CHODL: variants seen among roughly 807,000 people sequenced by gnomAD.
CHODL encodes chondrolectin, also known as transmembrane protein MT75.
Under a neutral mutation model 34.5 loss-of-function variants are expected in CHODL, and 29 were observed. The ratio of observed to expected loss-of-function variants is 0.84; its 90% confidence interval spans 0.63 to 1.15. The LOEUF (loss-of-function observed/expected upper bound fraction) is 1.15, where lower values mean the gene tolerates loss of function less well. Ranked by LOEUF, CHODL falls within the 50% of genes most tolerant of loss-of-function variation. The pLI is 0.00. For synonymous variants in CHODL, 125 were observed against 116.1 expected, an observed-to-expected ratio of 1.08 and a Z score of -0.49; for missense variants, 332 against 332.5, an observed-to-expected ratio of 1.00 and a Z score of 0.01.
chr21:18,102,904 T>C (rs2065232157), intron 2 of CHODL, among the ~76,000 whole-genome samples: 1 of 152,198 alleles, frequency 6.6e-6, no homozygotes, highest in African/African-American at 2.4e-5. Context: ...TTCCTTGGCA[T>C]AAATTTCTGC....
At chr21:18,204,879 C>T (rs8128829) in intron 2 of CHODL, among the ~76,000 whole-genome samples, 85,373 of 151,950 alleles carry the variant, frequency 0.56, 26,037 homozygotes, top group East Asian at 0.87. Flanking sequence ...AACAAAGGAA[C>T]CCCTGAAAAC....
At chr21:18,205,857 G>A (rs547441882) in intron 2 of CHODL, among the ~76,000 whole-genome samples, 9 of 151,208 alleles carry the variant, frequency 6.0e-5, no homozygotes, top group East Asian at 1.9e-4. Flanking sequence ...CTGCCTCAAC[G>A]TCCCATGTAG....
chr21:17,927,011 T>C (rs1438200181), intron 1 of CHODL, among the ~76,000 whole-genome samples: 1 of 151,198 alleles, frequency 6.6e-6, no homozygotes, highest in Non-Finnish European at 1.5e-5. Context: ...CACACAGACA[T>C]ACACACATAT....
intron 1 of CHODL, among the ~76,000 whole-genome samples, chr21:17,922,753 T>A (rs969300359): frequency 3.3e-5 from 5 of 152,150 alleles, no homozygotes; most frequent in African/African-American, 1.2e-4. Context: ...ATGTAGCTCC[T>A]AAAGGTTGCG....
chr21:17,921,935 A>G (rs1341615737), intron 1 of CHODL, among the ~76,000 whole-genome samples: 2 of 152,124 alleles, frequency 1.3e-5, no homozygotes, highest in African/African-American at 2.4e-5. Context: ...CCAAATTTCT[A>G]TTTTTTCCAA....
At chr21:18,207,470 C>A (rs1286738627) in intron 2 of CHODL, among the ~76,000 whole-genome samples, 4 of 152,056 alleles carry the variant, frequency 2.6e-5, no homozygotes, top group Non-Finnish European at 5.9e-5. Flanking sequence ...AGTGTTTCTA[C>A]TTAAGATATG....
At chr21:17,939,634 C>T (rs2063347335) in intron 1 of CHODL, among the ~76,000 whole-genome samples, 1 of 152,172 alleles carries the variant, frequency 6.6e-6, no homozygotes, top group African/African-American at 2.4e-5. Context: ...CTACCATCCT[C>T]TCAATTCCTT....
chr21:18,224,478 G>C (rs1218552032), intron 2 of CHODL, among the ~76,000 whole-genome samples: 1 of 152,144 alleles, frequency 6.6e-6, no homozygotes, highest in South Asian at 2.1e-4. Context: ...TATTCAGTGT[G>C]GTTAAGTTCC....
chr21:18,001,830 C>T (rs910198919), intron 1 of CHODL, among the ~76,000 whole-genome samples: 10 of 140,616 alleles, frequency 7.1e-5, no homozygotes, highest in South Asian at 6.7e-4. Context: ...TAGTCCATGT[C>T]GTCACAAAAG....
intron 1 of CHODL, among the ~76,000 whole-genome samples, chr21:17,953,615 C>G (rs1038305890): frequency 4.7e-4 from 71 of 152,022 alleles, no homozygotes; most frequent in African/African-American, 1.7e-3. Context: ...TAGGCTAAAA[C>G]CTGACTACAT....
intron 1 of CHODL, among the ~76,000 whole-genome samples, chr21:17,973,417 C>CTTTTTT (rs3077803): frequency 8.9e-5 from 11 of 123,484 alleles, no homozygotes; most frequent in Non-Finnish European, 1.1e-4. Context: ...TTCTTTCTTT[C>CTTTTTT]TTTTTTTTTT....
intron 2 of CHODL, among the ~76,000 whole-genome samples, chr21:18,069,758 GC>G (rs1381321259): frequency 1.3e-5 from 2 of 151,896 alleles, no homozygotes; most frequent in Non-Finnish European, 2.9e-5. Flanking sequence ...ATGTTCTACG[GC>G]TTAGAACATA....
chr21:18,183,865 T>C (rs978782817), intron 2 of CHODL, among the ~76,000 whole-genome samples: 4 of 152,214 alleles, frequency 2.6e-5, no homozygotes, highest in Non-Finnish European at 5.9e-5. Flanking sequence ...TCTGTATCAT[T>C]TGAATGTGAA....
At chr21:18,107,466 C>T (rs1423577758) in intron 2 of CHODL, among the ~76,000 whole-genome samples, 1 of 152,208 alleles carries the variant, frequency 6.6e-6, no homozygotes, top group Non-Finnish European at 1.5e-5. Context: ...GGCAACTATA[C>T]CAGGCCATAG....
At chr21:18,100,738 A>G (rs1283398142) in intron 2 of CHODL, among the ~76,000 whole-genome samples, 1 of 152,146 alleles carries the variant, frequency 6.6e-6, no homozygotes, top group Non-Finnish European at 1.5e-5. Context: ...GAAAAGAGTC[A>G]TTCAGGAATG....
chr21:18,266,272 T>A lies in CHODL; in HGVS notation c.*234T>A. The A allele has an allele frequency of 7.4e-7, 1 of 1,352,112 alleles. No homozygotes were observed. Among genetic ancestry groups the A allele is most frequent in the Non-Finnish European group, 9.9e-7 (1 of 1,015,176 alleles). The allele number at this position is 1,352,112 out of a possible 1,614,324, so 83.8% of individuals were successfully genotyped here. On this transcript the variant is annotated 3_prime_UTR_variant, in exon 6 of 6. Coordinates refer to ENST00000299295, the MANE Select transcript of CHODL (RefSeq NM_024944.3). ...ATTTTGCTAAAGGATGCACCCAAACTTCAAACTTCAAGCAAATGAAATGGA... is the reference window on the plus strand; with the variant it reads ...ATTTTGCTAAAGGATGCACCCAAACATCAAACTTCAAGCAAATGAAATGGA...
At chr21:17,954,454 T>C (rs1160253927) in intron 1 of CHODL, among the ~76,000 whole-genome samples, 1 of 143,034 alleles carries the variant, frequency 7.0e-6, no homozygotes, top group African/African-American at 2.5e-5. Flanking sequence ...TTTGAATCAG[T>C]GAACTGAGTA....
chr21:18,018,494 C>T (rs2064096523), intron 1 of CHODL, among the ~76,000 whole-genome samples: 1 of 152,098 alleles, frequency 6.6e-6, no homozygotes, highest in South Asian at 2.1e-4. Flanking sequence ...CCTTCACCCC[C>T]ACTCTCTCTT....
intron 2 of CHODL, among the ~76,000 whole-genome samples, chr21:18,239,806 T>A (rs914502810): frequency 6.6e-6 from 1 of 152,068 alleles, no homozygotes; most frequent in African/African-American, 2.4e-5. Context: ...TATGTTGATT[T>A]ATTAGTCAAA....
Sources: gnomAD v4.1 joint callset for allele counts (sites outside exome capture counted in the v4.1 genomes callset) on GRCh38, gnomAD v4.1.1 for gene constraint, MANE v1.5 for transcripts, NCBI Gene and HGNC (gene_info 2026-07-23, HGNC 2026-07-21) for gene names.